The following HSPA12A variants were observed in gnomAD, a reference collection of about 807,000 sequenced individuals.
The protein encoded by HSPA12A is heat shock protein family A (Hsp70) member 12A.
In HSPA12A, 28 loss-of-function variants were observed where a neutral mutation model predicts 69.2. The ratio of observed to expected loss-of-function variants is 0.40; its 90% CI spans 0.30 to 0.55. The LOEUF (loss-of-function observed/expected upper bound fraction) is 0.55. Ranked by LOEUF, HSPA12A falls within the 20% of genes least tolerant of loss-of-function variation. The pLI, the probability that HSPA12A is intolerant of heterozygous loss-of-function variation, is 0.38. For missense variants in HSPA12A, 686 were observed against 900.7 expected (o/e 0.76, Z 3.05); for synonymous variants, 345 against 370.5 (o/e 0.93, Z 0.79).
Position 116,675,302 on chromosome 10 carries a change from G to A in HSPA12A, c.1507C>T (p.Arg503Trp), listed in dbSNP as rs782621389. The A allele has an allele frequency of 4.3e-6, 7 of 1,613,374 alleles. No homozygotes were observed. The highest frequency in any genetic ancestry group is 2.2e-5 in the South Asian group (2 of 91,082). The change falls in exon 12 of 12, where the codon CGG becomes TGG. Residue 503 changes from arginine (R) to tryptophan (W), a missense_variant. Physicochemically the swap from Arg to Trp is moderately radical, Grantham distance 101. Transcript: ENST00000369209. The surrounding 1 kb of genome is among the most constrained non-coding windows in gnomAD (Gnocchi z 5.2). ...AVQAAFGDQC[R>W]IIIPQDVGLT... ...CCCACGTCCTGGGGGATGATGATCC[G>A]GCACTGGTCCCCAAAAGCAGCCTGC... is the stretch of plus-strand genomic sequence containing the variant.
chr10:116,835,013 C>T, exon 2 of HSPA12A: 1 of 1,231,154 alleles, frequency 8.1e-7, no homozygotes, highest in East Asian at 3.2e-5. Flanking sequence ...TACACGCCAA[C>T]ACTCTCCATC....
intron 4 of HSPA12A, among the ~76,000 whole-genome samples, chr10:116,700,324 C>T (rs952843438): frequency 2.0e-5 from 3 of 152,186 alleles, no homozygotes; most frequent in East Asian, 3.9e-4. Context: ...TCCTTTTCTA[C>T]GAAGCTTCGG....
chr10:116,694,136 A>G (rs957835902), intron 5 of HSPA12A, among the ~76,000 whole-genome samples: 2 of 152,222 alleles, frequency 1.3e-5, no homozygotes, highest in South Asian at 2.1e-4. Context: ...TCAGTTCCCC[A>G]GCGGGTAGGG....
intron 1 of HSPA12A, among the ~76,000 whole-genome samples, chr10:116,728,732 G>C (rs1354766134): frequency 6.6e-6 from 1 of 152,152 alleles, no homozygotes; most frequent in African/African-American, 2.4e-5. Context: ...CTTATCTAAG[G>C]GTTTTATATG....
chr10:116,703,194 G>A lies in HSPA12A; in HGVS notation c.254+1957C>T, dbSNP rs560066048. Among the ~76,000 whole-genome samples, 141 of 152,200 alleles carry A rather than the reference G, an allele frequency of 9.3e-4. 2 individuals carry two copies. In the South Asian group the frequency reaches 0.027, roughly 29 times the overall value. On this transcript the variant is annotated intron_variant, in intron 3 of 11. Coordinates refer to ENST00000369209, the MANE Select transcript of HSPA12A (RefSeq NM_025015.3). ...TGTCAACAGAGTTGGCTATAGAACC[G>A]GCTTTTCATCATTTCCTGATGACAT...
At chr10:116,699,512 G>A (rs1392743061) in intron 4 of HSPA12A, among the ~76,000 whole-genome samples, 4 of 152,156 alleles carry the variant, frequency 2.6e-5, no homozygotes, top group Admixed American at 1.3e-4. Context: ...AATCACTGGG[G>A]CCTCCAGATT....
Position 116,796,158 on chromosome 10 carries a change from A to AAC in HSPA12A, c.91+38776_91+38777insGT, listed in dbSNP as rs759285289. Among the ~76,000 whole-genome samples, 4 of 59,718 alleles carry AAC rather than the reference A, an allele frequency of 6.7e-5. No individual in the cohort carries two copies. The East Asian group carries it at 1.7e-3, about 25-fold the overall frequency. The allele number at this position is 59,718 out of a possible 152,430, so 39.2% of individuals were successfully genotyped here. A position where few individuals can be genotyped will look rare whatever the true frequency, so the allele number is the denominator to read the frequency against. On this transcript the variant is annotated intron_variant, in intron 2 of 12. Transcript: ENST00000635765. ...GCAAGACTCCATCAAAAAAAAAAAA[A>AAC]AAAAAAAAGAAAGAAAGAAGAAAAT...
At chr10:116,715,005 G>C (rs1311083514) in intron 1 of HSPA12A, among the ~76,000 whole-genome samples, 1 of 152,156 alleles carries the variant, frequency 6.6e-6, no homozygotes, top group Non-Finnish European at 1.5e-5. Context: ...ATCAGTTCCT[G>C]GTGATCAACT....
chr10:116,794,539 G>A (rs188193950), intron 2 of HSPA12A, among the ~76,000 whole-genome samples: 127 of 152,262 alleles, frequency 8.3e-4, no homozygotes, highest in African/African-American at 2.8e-3. Flanking sequence ...TTGGCCAGGC[G>A]AGGTGTAATC....
At chr10:116,712,927 C>T (rs1850479442) in intron 1 of HSPA12A, among the ~76,000 whole-genome samples, 1 of 140,654 alleles carries the variant, frequency 7.1e-6, no homozygotes. Flanking sequence ...AATAAATGCC[C>T]AATTTGAAAA....
chr10:116,732,409 A>G (rs1391644012), intron 1 of HSPA12A, among the ~76,000 whole-genome samples: 1 of 151,788 alleles, frequency 6.6e-6, no homozygotes, highest in Non-Finnish European at 1.5e-5. Context: ...TAGACCTAGC[A>G]GCAGGTTTAA....
upstream of HSPA12A, among the ~76,000 whole-genome samples, chr10:116,744,553 A>G (rs1333665312): frequency 6.6e-6 from 1 of 152,218 alleles, no homozygotes; most frequent in Non-Finnish European, 1.5e-5. Flanking sequence ...ATGGGAGGTG[A>G]CATGCAGGCC....
chr10:116,740,262 G>GT (rs1193907114), intron 1 of HSPA12A, among the ~76,000 whole-genome samples: 1 of 152,202 alleles, frequency 6.6e-6, no homozygotes, highest in African/African-American at 2.4e-5. Context: ...GAGAATGCTG[G>GT]TAACAGGTTT....
At chr10:116,731,081 A>C (rs370987453) in intron 1 of HSPA12A, among the ~76,000 whole-genome samples, 6 of 152,212 alleles carry the variant, frequency 3.9e-5, no homozygotes, top group Non-Finnish European at 8.8e-5. Flanking sequence ...AGTCAATGCT[A>C]CATCCTCCAT....
At chr10:116,726,758 G>C (rs912824081) in intron 1 of HSPA12A, among the ~76,000 whole-genome samples, 1 of 152,290 alleles carries the variant, frequency 6.6e-6, no homozygotes, top group African/African-American at 2.4e-5. Flanking sequence ...CGGGCTCACT[G>C]TCACTTTCTA....
intron 1 of HSPA12A, among the ~76,000 whole-genome samples, chr10:116,838,696 T>C (rs1845756965): frequency 6.6e-6 from 1 of 152,236 alleles, no homozygotes; most frequent in South Asian, 2.1e-4. Flanking sequence ...TAGCTAAGTT[T>C]GTCTTAACTT....
rs570020731 is a variant in HSPA12A at position 116,845,492 on chromosome 10, A to G, written c.3+4074T>C. Among the ~76,000 whole-genome samples the G allele has an allele frequency of 2.6e-5, 4 of 152,226 alleles. No homozygotes were observed. The East Asian group carries it at 7.7e-4, about 29-fold the overall frequency. On this transcript the variant is annotated intron_variant, in intron 1 of 12. Coordinates refer to the HSPA12A transcript ENST00000635765. ...GTTACAGACTCATGGAATGTTAACA[A>G]TCATGACTAGATCCTCTCTCTAATA...
At chr10:116,701,525 C>T (rs533923553) in intron 3 of HSPA12A, among the ~76,000 whole-genome samples, 1 of 152,336 alleles carries the variant, frequency 6.6e-6, no homozygotes, top group Non-Finnish European at 1.5e-5. Flanking sequence ...CTGTCTGAAA[C>T]AAGGTAGGTA....
chr10:116,761,966 T>C (rs554568643), intron 2 of HSPA12A, among the ~76,000 whole-genome samples: 1 of 152,368 alleles, frequency 6.6e-6, no homozygotes, highest in East Asian at 1.9e-4. Context: ...CTTTCAATTA[T>C]TTTTGGATGT....
Sources: allele counts gnomAD v4.1 joint callset (sites outside exome capture counted in the v4.1 genomes callset), GRCh38; gene constraint gnomAD v4.1.1; non-coding constraint Gnocchi (gnomAD v3.1); transcripts MANE v1.5; gene names NCBI Gene and HGNC (gene_info 2026-07-23, HGNC 2026-07-21).